TSHZ2: variants seen among roughly 807,000 people sequenced by gnomAD.
The protein encoded by TSHZ2 is teashirt homolog 2.
Under a neutral mutation model 74.4 loss-of-function variants are expected in TSHZ2, and 21 were observed. The ratio of observed to expected loss-of-function variants is 0.28; its 90% CI spans 0.20 to 0.41. The LOEUF (loss-of-function observed/expected upper bound fraction) is 0.41, where lower values mean the gene tolerates loss of function less well. Ranked by LOEUF, TSHZ2 falls within the 10% of genes least tolerant of loss-of-function variation. The pLI is 1.00. For missense variants in TSHZ2, 1,244 were observed against 1,293.5 expected, an observed-to-expected ratio of 0.96 and a Z score of 0.59; for synonymous variants, 540 against 515.3, an observed-to-expected ratio of 1.05 and a Z score of -0.65.
At chr20:53,446,937 C>T (rs1220183390) in intron 2 of TSHZ2, among the ~76,000 whole-genome samples, 3 of 152,182 alleles carry the variant, frequency 2.0e-5, no homozygotes, top group Non-Finnish European at 4.4e-5. Flanking sequence ...AGCCTTCCTC[C>T]CCTCTAGGGC....
chr20:53,284,513 C>T (rs1293281153), intron 2 of TSHZ2, among the ~76,000 whole-genome samples: 2 of 152,110 alleles, frequency 1.3e-5, no homozygotes, highest in Non-Finnish European at 2.9e-5. Context: ...AGCCGATTCC[C>T]GATGTTGATG....
intron 2 of TSHZ2, among the ~76,000 whole-genome samples, chr20:53,342,728 G>A (rs1980258378): frequency 6.6e-6 from 1 of 151,868 alleles, no homozygotes; most frequent in Admixed American, 6.6e-5. Context: ...CCCAATCCAG[G>A]GCCTCTGCAA....
chr20:53,414,106 G>C (rs1288116626), intron 2 of TSHZ2, among the ~76,000 whole-genome samples: 1 of 151,940 alleles, frequency 6.6e-6, no homozygotes, highest in Admixed American at 6.6e-5. Flanking sequence ...GGGTGACAGA[G>C]CAAGACCTTA....
intron 2 of TSHZ2, among the ~76,000 whole-genome samples, chr20:53,261,639 T>G (rs901930957): frequency 6.6e-6 from 1 of 152,216 alleles, no homozygotes; most frequent in Non-Finnish European, 1.5e-5. Context: ...CCTTCCCCCC[T>G]CATTTGGACT....
In TSHZ2 at chr20:53,047,013, AGAGGCGTAAGG is replaced by A. The variant is rs1380001103; in HGVS notation, c.40+73683_40+73693del. Among the ~76,000 whole-genome samples the A allele has an allele frequency of 7.5e-5, 11 of 146,228 alleles. No individual in the cohort carries two copies. In the East Asian group the frequency reaches 2.7e-3, roughly 35 times the overall value. ...TTGAATGAAGGTGCTGGAAAGAGAC[AGAGGCGTAAGG>A]GATCCTGCATGCCTCATATGAAGAC... On this transcript the variant is annotated intron_variant, in intron 1 of 2. Coordinates refer to ENST00000371497, the MANE Select transcript of TSHZ2 (RefSeq NM_173485.6).
chr20:53,449,337 A>G (rs6013694), intron 2 of TSHZ2, among the ~76,000 whole-genome samples: 30,954 of 152,116 alleles, frequency 0.2, 3,276 homozygotes, highest in East Asian at 0.32. Flanking sequence ...AGTTTTCAGC[A>G]TAGTGAATAG....
intron 1 of TSHZ2, among the ~76,000 whole-genome samples, chr20:53,160,745 CAAAAA>C (rs10653039): frequency 1.0e-5 from 1 of 95,834 alleles, no homozygotes; most frequent in Admixed American, 1.1e-4. Context: ...ACTCTGTCTC[CAAAAA>C]AAAAAAAAAA....
At chr20:53,361,090 C>T (rs549364117) in intron 2 of TSHZ2, among the ~76,000 whole-genome samples, 25 of 152,276 alleles carry the variant, frequency 1.6e-4, no homozygotes, top group African/African-American at 5.5e-4. Context: ...TTTGCCCCAG[C>T]GTGGCTGTGC....
rs1288639135 is a variant in TSHZ2 at position 53,254,104 on chromosome 20, C to A, written c.646C>A (p.Arg216=). 3.1e-6 allele frequency: 5 copies of A among 1,613,956 alleles called. No homozygotes were observed. The African/African-American group carries it at 5.3e-5, about 17-fold the overall frequency. The change falls in exon 2 of 3, where the codon CGA becomes AGA. Residue 216 remains arginine, a synonymous_variant. Coordinates refer to ENST00000371497, the MANE Select transcript of TSHZ2 (RefSeq NM_173485.6). ...TGTGTTCACAGGGGCCAGCAGATTC[C>A]GATGCCGACAGTGCAGCGCGGCCTA... ...GTVFTGASRF[R]CRQCSAAYDT...
At chr20:53,011,154 A>G (rs1475522508) in intron 1 of TSHZ2, among the ~76,000 whole-genome samples, 2 of 152,188 alleles carry the variant, frequency 1.3e-5, no homozygotes, top group Non-Finnish European at 2.9e-5. Flanking sequence ...TTTTACTGTG[A>G]AAAGTCCTCA....
intron 1 of TSHZ2, among the ~76,000 whole-genome samples, chr20:53,122,884 T>C (rs1600701328): frequency 6.6e-6 from 1 of 152,340 alleles, no homozygotes; most frequent in South Asian, 2.1e-4. Flanking sequence ...CACTTCTGAT[T>C]AAATACATTT....
At chr20:53,412,711 A>G (rs1010857149) in intron 2 of TSHZ2, 4 of 152,438 alleles carry the variant, frequency 2.6e-5, no homozygotes, top group Non-Finnish European at 5.9e-5. Flanking sequence ...GGACAGCCTC[A>G]TTAAACACGC....
At chr20:53,292,638 T>C (rs1471406824) in intron 2 of TSHZ2, among the ~76,000 whole-genome samples, 1 of 152,046 alleles carries the variant, frequency 6.6e-6, no homozygotes, top group East Asian at 1.9e-4. Context: ...TTTGTAGAGA[T>C]GGGGTCTCAC....
Position 53,468,116 on chromosome 20 carries a change from T to C in TSHZ2, c.*9-19028T>C, listed in dbSNP as rs532879560. On this transcript the variant is annotated intron_variant, in intron 2 of 2. Transcript: ENST00000371497. ...TCCAAGCTTTGTCAAAGCATCATAC[T>C]GAGAAGAGATTCATGTTAAAAAGCT... Among the ~76,000 whole-genome samples the C allele has an allele frequency of 8.1e-4, 124 of 152,220 alleles. 1 individual carries two copies. The highest frequency in any genetic ancestry group is 1.3e-3 in the Non-Finnish European group (91 of 68,040).
intron 1 of TSHZ2, among the ~76,000 whole-genome samples, chr20:52,996,305 GTTTTTATT>G (rs1568710784): frequency 2.2e-5 from 3 of 135,362 alleles, no homozygotes; most frequent in Non-Finnish European, 3.2e-5. Flanking sequence ...TTCCTTTCAG[GTTTTTATT>G]TATTTATTTA....
intron 1 of TSHZ2, among the ~76,000 whole-genome samples, chr20:53,078,434 A>G (rs957141968): frequency 2.6e-5 from 4 of 152,264 alleles, no homozygotes; most frequent in African/African-American, 9.6e-5. Context: ...TATTTCTTGA[A>G]AAAAGACATG....
chr20:53,396,822 A>T (rs1032335470), intron 2 of TSHZ2, among the ~76,000 whole-genome samples: 1 of 148,328 alleles, frequency 6.7e-6, no homozygotes, highest in Non-Finnish European at 1.5e-5. Flanking sequence ...CACTCCATCC[A>T]GTCTGAGTGA....
rs150059208 is a variant in TSHZ2 at position 53,254,040 on chromosome 20, G to C, written c.582G>C (p.Ser194=). The change falls in exon 2 of 3, where the codon TCG becomes TCC. Residue 194 remains serine, a synonymous_variant. Transcript: ENST00000371497. Reference sequence around the variant, plus strand: ...TCTCGAAACCCAGCCTGTTCAGCTCGGTGCAGTTGTACCGACAGAGCAGCA... The same window carrying C: ...TCTCGAAACCCAGCCTGTTCAGCTCCGTGCAGTTGTACCGACAGAGCAGCA... ...RSVSKPSLFS[S]VQLYRQSSKM... 1.9e-6 allele frequency: 3 copies of C among 1,613,998 alleles called. No individual in the cohort carries two copies. Among genetic ancestry groups the C allele is most frequent in the African/African-American group, 1.3e-5 (1 of 74,924 alleles).
At chr20:53,030,730 C>T (rs896112958) in intron 1 of TSHZ2, among the ~76,000 whole-genome samples, 1 of 152,050 alleles carries the variant, frequency 6.6e-6, no homozygotes, top group South Asian at 2.1e-4. Context: ...TTAAAATCAC[C>T]CACAGATATC....
Sources: gnomAD v4.1 joint callset for allele counts (sites outside exome capture counted in the v4.1 genomes callset) on GRCh38, gnomAD v4.1.1 for gene constraint, MANE v1.5 for transcripts, NCBI Gene and HGNC (gene_info 2026-07-23, HGNC 2026-07-21) for gene names.